Variants in DAB1 observed in about 807,000 individuals in gnomAD.
DAB1 encodes the protein disabled homolog 1.
DAB1 carries 15 observed loss-of-function variants against 64.6 expected under a neutral mutation model. The observed-to-expected ratio is 0.23, with a 90% CI of 0.16 to 0.36. The LOEUF (loss-of-function observed/expected upper bound fraction) is 0.36, where lower values mean the gene tolerates loss of function less well. DAB1 is among the 10% of genes least tolerant of loss of function. DAB1 has a pLI of 1.00. For missense variants in DAB1, 596 were observed against 706.7 expected (o/e 0.84, Z 1.78); for synonymous variants, 235 against 251.9 (o/e 0.93, Z 0.64).
intron 5 of DAB1, among the ~76,000 whole-genome samples, chr1:57,889,986 A>G (rs1434800053): frequency 2.0e-5 from 3 of 151,274 alleles, no homozygotes; most frequent in Non-Finnish European, 4.4e-5. Flanking sequence ...CTTTCTTCTC[A>G]TAAGAAGGCT....
intron 6 of DAB1, among the ~76,000 whole-genome samples, chr1:57,697,700 A>T (rs1334586790): frequency 6.6e-6 from 1 of 152,174 alleles, no homozygotes; most frequent in Non-Finnish European, 1.5e-5. Flanking sequence ...TACCCTGGGA[A>T]TGATTACTTT....
intron 1 of DAB1, among the ~76,000 whole-genome samples, chr1:57,373,981 AT>A (rs990059261): frequency 4.6e-5 from 7 of 152,128 alleles, no homozygotes; most frequent in Middle Eastern, 3.4e-3. Context: ...AAGTATGCAC[AT>A]TTTTTTTGAG....
chr1:57,827,751 C>G (rs1255222374), intron 1 of DAB1, among the ~76,000 whole-genome samples: 1 of 152,178 alleles, frequency 6.6e-6, no homozygotes, highest in Non-Finnish European at 1.5e-5. Flanking sequence ...CTTCCGTACT[C>G]CCTTTGGCCT....
At chr1:57,141,936 C>G (rs1658624653) in intron 3 of DAB1, among the ~76,000 whole-genome samples, 1 of 152,134 alleles carries the variant, frequency 6.6e-6, no homozygotes, top group African/African-American at 2.4e-5. Context: ...GGTTAGAATT[C>G]ATCTTATCAT....
At chr1:57,123,952 TATAAATTTTCTACA>T (rs1459661373) in intron 4 of DAB1, among the ~76,000 whole-genome samples, 1 of 152,180 alleles carries the variant, frequency 6.6e-6, no homozygotes, top group African/African-American at 2.4e-5. Flanking sequence ...TTCTACATTT[TATAAATTTTCTACA>T]ATAAATATAT....
chr1:58,051,676 CA>C (rs1419445397), intron 5 of DAB1, among the ~76,000 whole-genome samples: 1 of 152,168 alleles, frequency 6.6e-6, no homozygotes, highest in African/African-American at 2.4e-5. Context: ...AGTGTAAAAG[CA>C]TTCCTATTTC....
At chr1:57,927,204 T>C (rs1352875933) in intron 5 of DAB1, among the ~76,000 whole-genome samples, 1 of 152,214 alleles carries the variant, frequency 6.6e-6, no homozygotes, top group Non-Finnish European at 1.5e-5. Flanking sequence ...GCTAATTCTC[T>C]TCATTTCATA....
chr1:57,522,749 G>A (rs866061800), intron 7 of DAB1, among the ~76,000 whole-genome samples: 1 of 152,200 alleles, frequency 6.6e-6, no homozygotes, highest in South Asian at 2.1e-4. Flanking sequence ...GACTGGGAGA[G>A]GCAGACCCAC....
intron 5 of DAB1, among the ~76,000 whole-genome samples, chr1:57,906,716 G>C (rs1269362870): frequency 6.6e-6 from 1 of 152,164 alleles, no homozygotes; most frequent in East Asian, 1.9e-4. Flanking sequence ...GGGTACCCGG[G>C]AGGAGAGAGA....
At chr1:58,417,624 C>A (rs115140427) in intron 3 of DAB1, among the ~76,000 whole-genome samples, 5,097 of 152,322 alleles carry the variant, frequency 0.033, 106 homozygotes, top group African/African-American at 0.063. Context: ...GGTTGCCTCT[C>A]CATCCCATTT....
chr1:58,505,699 T>C (rs987058227), intron 3 of DAB1, among the ~76,000 whole-genome samples: 1 of 152,128 alleles, frequency 6.6e-6, no homozygotes, highest in African/African-American at 2.4e-5. Flanking sequence ...AACTGGTATT[T>C]TTAACAAAAA....
At chr1:57,363,512 C>T (rs1461296542) in intron 1 of DAB1, among the ~76,000 whole-genome samples, 1 of 152,190 alleles carries the variant, frequency 6.6e-6, no homozygotes, top group Non-Finnish European at 1.5e-5. Context: ...ACTCAATTTC[C>T]TCATTGTAAA....
At chr1:58,400,837 T>G (rs951847277) in intron 3 of DAB1, among the ~76,000 whole-genome samples, 3 of 152,202 alleles carry the variant, frequency 2.0e-5, no homozygotes, top group Non-Finnish European at 2.9e-5. Context: ...TTAGGTGTTT[T>G]GGGAATAATT....
At chr1:57,832,769 C>T (rs1652646015) in intron 1 of DAB1, among the ~76,000 whole-genome samples, 2 of 152,174 alleles carry the variant, frequency 1.3e-5, no homozygotes, top group Admixed American at 1.3e-4. Context: ...TCTCCTGAGT[C>T]TTTGGTTATT....
chr1:57,261,720 C>G (rs1231798212), intron 2 of DAB1, among the ~76,000 whole-genome samples: 1 of 152,212 alleles, frequency 6.6e-6, no homozygotes, highest in African/African-American at 2.4e-5. Context: ...CACATGCTAG[C>G]AGAGTGACTT....
intron 7 of DAB1, among the ~76,000 whole-genome samples, chr1:57,473,992 A>G (rs1438527775): frequency 1.3e-5 from 2 of 152,228 alleles, no homozygotes; most frequent in Admixed American, 1.3e-4. Flanking sequence ...ACAAAAGAAC[A>G]ATGCATATTG....
chr1:57,840,185 T>C (rs17116354), intron 1 of DAB1, among the ~76,000 whole-genome samples: 4,825 of 152,210 alleles, frequency 0.032, 246 homozygotes, highest in African/African-American at 0.11. Flanking sequence ...TGAAGCCACA[T>C]AGAAATGTTA....
At chr1:58,186,521 C>T (rs962711713) in intron 4 of DAB1, among the ~76,000 whole-genome samples, 1 of 152,000 alleles carries the variant, frequency 6.6e-6, no homozygotes, top group African/African-American at 2.4e-5. Context: ...TGTTCAATAA[C>T]TTTTTTTTCT....
intron 1 of DAB1, among the ~76,000 whole-genome samples, chr1:57,357,102 A>T (rs1679171261): frequency 1.3e-5 from 2 of 152,088 alleles, no homozygotes; most frequent in Non-Finnish European, 2.9e-5. Flanking sequence ...GTTATATTTT[A>T]TCACCAATAC....
Sources: allele counts gnomAD v4.1 joint callset (sites outside exome capture counted in the v4.1 genomes callset), GRCh38; gene constraint gnomAD v4.1.1; transcripts MANE v1.5; gene names NCBI Gene and HGNC (gene_info 2026-07-23, HGNC 2026-07-21).